DNAH9: variants seen among roughly 807,000 people sequenced by gnomAD.
DNAH9 encodes the protein DNAH9 variant protein.
DNAH9 carries 345 observed loss-of-function variants against 471.6 expected under a neutral mutation model. That is an observed-to-expected ratio of 0.73 (90% confidence interval 0.67 to 0.80). The LOEUF is 0.80. DNAH9 is among the 30% of genes least tolerant of loss of function. DNAH9 has a pLI of 0.00. For synonymous variants in DNAH9, 2,093 were observed against 2,123.6 expected (o/e 0.99, Z 0.40); for missense variants, 5,407 against 5,609.2 (o/e 0.96, Z 1.15).
intron 68 of DNAH9, among the ~76,000 whole-genome samples, chr17:11,966,754 T>C (rs1471762287): frequency 1.3e-5 from 2 of 152,124 alleles, no homozygotes; most frequent in Non-Finnish European, 2.9e-5. Flanking sequence ...AGCTTTTGTA[T>C]ACCATTGAAA....
At chr17:11,913,104 G>T (rs1029415840) in intron 61 of DNAH9, among the ~76,000 whole-genome samples, 2 of 152,070 alleles carry the variant, frequency 1.3e-5, no homozygotes, top group African/African-American at 4.8e-5. Context: ...GGAGGTGGAG[G>T]TTGCAGTGAG....
chr17:11,817,066 A>T (rs1480237827), intron 45 of DNAH9, among the ~76,000 whole-genome samples: 1 of 146,068 alleles, frequency 6.8e-6, no homozygotes, highest in Non-Finnish European at 1.5e-5. Context: ...AAAAAAAAAA[A>T]TAATAATAAT....
chr17:11,713,067 A>G (rs1555571549), intron 26 of DNAH9, among the ~76,000 whole-genome samples: 1 of 151,980 alleles, frequency 6.6e-6, no homozygotes, highest in Non-Finnish European at 1.5e-5. Flanking sequence ...CCACCCCACC[A>G]AGTAGACTCT....
chr17:11,957,841 C>T (rs1975733631), intron 67 of DNAH9, among the ~76,000 whole-genome samples: 1 of 152,136 alleles, frequency 6.6e-6, no homozygotes, highest in African/African-American at 2.4e-5. Flanking sequence ...AAGCTATTAC[C>T]ATTAGGGGAG....
chr17:11,646,498 C>A (rs2073393660), intron 11 of DNAH9, among the ~76,000 whole-genome samples: 2 of 152,146 alleles, frequency 1.3e-5, no homozygotes, highest in South Asian at 4.1e-4. Flanking sequence ...AGTGTGAGAG[C>A]GAATCTTCCC....
At position 11,875,043 on chromosome 17, in the gene DNAH9, A is replaced by AC; in HGVS notation, c.10339dup (p.Arg3447ProfsTer14). Reference sequence around the variant, plus strand: ...TGGCAGAACGAGGGCCTCCCAGCCGACCGCATGTCCGTGGAGAATGCCACC... The same window carrying AC: ...TGGCAGAACGAGGGCCTCCCAGCCGACCCGCATGTCCGTGGAGAATGCCACC... On this transcript the variant is annotated frameshift_variant, in exon 53 of 69. Transcript: ENST00000262442. LOFTEE classifies it high-confidence loss of function. 2 of 1,614,148 alleles carry AC rather than the reference A, an allele frequency of 1.2e-6. No individual in the cohort carries two copies. Among genetic ancestry groups the AC allele is most frequent in the South Asian group, 2.2e-5 (2 of 91,076 alleles).
At position 11,701,134 on chromosome 17, in the gene DNAH9, C is replaced by T; in HGVS notation, c.5038C>T (p.Leu1680=). The change falls in exon 24 of 69, where the codon CTG becomes TTG. Residue 1680 remains leucine (L), a synonymous_variant. Transcript: ENST00000262442. ...CDCSGQVEIW[L]NHVLGHMKAT... Reference sequence around the variant, plus strand: ...GTTGTTCTTTCAGGTAGAAATATGGCTGAACCATGTCCTTGGTCACATGAA... The same window carrying T: ...GTTGTTCTTTCAGGTAGAAATATGGTTGAACCATGTCCTTGGTCACATGAA... 1 of 1,614,164 alleles carries T rather than the reference C, an allele frequency of 6.2e-7. No individual in the cohort carries two copies. The highest frequency in any genetic ancestry group is 8.5e-7 in the Non-Finnish European group (1 of 1,180,000).
At chr17:11,894,350 C>T (rs770359931) in intron 58 of DNAH9, 24 bp from the exon 59 acceptor site, 6 of 1,611,816 alleles carry the variant, frequency 3.7e-6, no homozygotes, top group Non-Finnish European at 4.2e-6. Context: ...TAAAGAAATG[C>T]AGTATCATTT....
chr17:11,954,256 A>G (rs56044040), intron 67 of DNAH9, among the ~76,000 whole-genome samples: 25,723 of 151,942 alleles, frequency 0.17, 2,298 homozygotes, highest in Admixed American at 0.21. Context: ...GGGGCCAAAA[A>G]AACTATTTGA....
At chr17:11,830,572 C>T (rs73980512) in intron 48 of DNAH9, among the ~76,000 whole-genome samples, 3,364 of 151,346 alleles carry the variant, frequency 0.022, 142 homozygotes, top group African/African-American at 0.077. Flanking sequence ...TGAGAAAAAA[C>T]GAAAAATGAA....
chr17:11,803,312 A>G (rs1969538466), intron 43 of DNAH9, among the ~76,000 whole-genome samples: 1 of 152,138 alleles, frequency 6.6e-6, no homozygotes, highest in South Asian at 2.1e-4. Context: ...GCAATCATTA[A>G]CAACAACAAC....
chr17:11,925,256 G>A (rs762348601), intron 62 of DNAH9: 23 of 446,156 alleles, frequency 5.2e-5, no homozygotes, highest in South Asian at 3.4e-4. Flanking sequence ...AGGAATCCAT[G>A]AAGAAATTAA....
At chr17:11,888,294 G>A (rs574489346) in intron 57 of DNAH9, among the ~76,000 whole-genome samples, 13 of 152,126 alleles carry the variant, frequency 8.5e-5, no homozygotes, top group African/African-American at 1.9e-4. Flanking sequence ...CATATTTTAC[G>A]TTTTTAAAAG....
At position 11,855,544 on chromosome 17, in the gene DNAH9, T is replaced by G. The variant is rs116066544; in HGVS notation, c.9933+1116T>G. ...TGCCCTTTAGTCATTTGCAAAGTTTTACAAGACAATGTAGGTAAGGAAAAA... is the reference window on the plus strand; with the variant it reads ...TGCCCTTTAGTCATTTGCAAAGTTTGACAAGACAATGTAGGTAAGGAAAAA... On this transcript the variant is annotated intron_variant, in intron 50 of 68. Transcript: ENST00000262442. Among the ~76,000 whole-genome samples, 1,008 of 152,274 alleles carry G rather than the reference T, an allele frequency of 6.6e-3. 15 individuals carry two copies. The highest frequency in any genetic ancestry group is 0.023 in the African/African-American group (952 of 41,556).
intron 67 of DNAH9, among the ~76,000 whole-genome samples, chr17:11,960,849 A>T (rs1446460317): frequency 6.6e-6 from 1 of 152,198 alleles, no homozygotes; most frequent in African/African-American, 2.4e-5. Context: ...AGGAGACTCC[A>T]GGCCCTACGG....
At chr17:11,764,822 G>A (rs972464021) in intron 36 of DNAH9, among the ~76,000 whole-genome samples, 2 of 152,192 alleles carry the variant, frequency 1.3e-5, no homozygotes, top group African/African-American at 4.8e-5. Context: ...CTTTGAAGGT[G>A]ATATGTAGGT....
intron 14 of DNAH9, among the ~76,000 whole-genome samples, chr17:11,655,319 T>A (rs1034456854): frequency 4.0e-5 from 6 of 150,770 alleles, no homozygotes; most frequent in African/African-American, 1.5e-4. Context: ...TGCCATTATT[T>A]CATTCCTTTT....
chr17:11,855,448 T>C (rs1239054993), intron 50 of DNAH9, among the ~76,000 whole-genome samples: 1 of 152,300 alleles, frequency 6.6e-6, no homozygotes, highest in Non-Finnish European at 1.5e-5. Context: ...GGAGTCTTTG[T>C]GTGAGAAAGG....
intron 14 of DNAH9, among the ~76,000 whole-genome samples, chr17:11,660,870 G>T (rs910109516): frequency 1.3e-5 from 2 of 152,064 alleles, no homozygotes; most frequent in East Asian, 1.9e-4. Context: ...CTTTTGTTGG[G>T]GGTAGTGTTC....
Sources: allele counts gnomAD v4.1 joint callset (sites outside exome capture counted in the v4.1 genomes callset), GRCh38; gene constraint gnomAD v4.1.1; transcripts MANE v1.5; gene names NCBI Gene and HGNC (gene_info 2026-07-23, HGNC 2026-07-21).